Variants in FRMD1 observed in about 807,000 individuals in gnomAD.
FRMD1 encodes the protein FERM domain containing 1.
A neutral mutation model predicts 54.9 loss-of-function variants in FRMD1; 51 were observed. The ratio of observed to expected loss-of-function variants is 0.93; its 90% CI spans 0.74 to 1.17. The LOEUF (loss-of-function observed/expected upper bound fraction) is 1.17. Ranked by LOEUF, FRMD1 falls within the 50% of genes most tolerant of loss-of-function variation. The pLI is 0.00. For missense variants in FRMD1, 729 were observed against 743.0 expected (o/e 0.98, Z 0.22); for synonymous variants, 324 against 306.4 (o/e 1.06, Z -0.60).
intron 1 of FRMD1, among the ~76,000 whole-genome samples, chr6:168,092,103 G>A (rs1273142881): frequency 6.6e-6 from 1 of 152,250 alleles, no homozygotes; most frequent in African/African-American, 2.4e-5. Context: ...TCTGTGGACA[G>A]AGCGCTGCCA....
At chr6:168,077,560 CCCCG>C (rs1263498396) in intron 1 of FRMD1, among the ~76,000 whole-genome samples, 1 of 152,240 alleles carries the variant, frequency 6.6e-6, no homozygotes, top group Non-Finnish European at 1.5e-5. Flanking sequence ...TGTGCGCACA[CCCCG>C]ATAGGAAGTG....
At chr6:168,069,153 C>G (rs1272998078) in intron 2 of FRMD1, among the ~76,000 whole-genome samples, 1 of 152,224 alleles carries the variant, frequency 6.6e-6, no homozygotes, top group African/African-American at 2.4e-5. Context: ...CCCCATCTCA[C>G]AGACAGGGAG....
upstream of FRMD1, among the ~76,000 whole-genome samples, chr6:168,083,331 G>A (rs753813099): frequency 1.2e-4 from 18 of 152,340 alleles, no homozygotes; most frequent in Non-Finnish European, 1.2e-4. Flanking sequence ...TGGAAAGGCC[G>A]TGACCTGCCT....
intron 4 of FRMD1, chr6:168,066,461 G>T: frequency 4.7e-6 from 4 of 843,752 alleles, no homozygotes; most frequent in Middle Eastern, 5.0e-4. Context: ...TTGTGCCATT[G>T]CACTCCAGCC....
At chr6:168,075,940 G>C (rs1339663582) in intron 1 of FRMD1, 1 of 276,642 alleles carries the variant, frequency 3.6e-6, no homozygotes, top group Non-Finnish European at 5.2e-6. Context: ...TCCGGTGCCC[G>C]GTGTCCACAT....
upstream of FRMD1, among the ~76,000 whole-genome samples, chr6:168,086,447 G>T (rs1234354441): frequency 6.7e-6 from 1 of 150,118 alleles, no homozygotes; most frequent in Non-Finnish European, 1.5e-5. Flanking sequence ...TCCCAACATG[G>T]ACACTGCCCA....
At chr6:168,074,990 T>G (rs1390937231) in intron 2 of FRMD1, among the ~76,000 whole-genome samples, 1 of 150,288 alleles carries the variant, frequency 6.7e-6, no homozygotes, top group Admixed American at 6.6e-5. Flanking sequence ...GGTGTGTAAC[T>G]GTGTGCACTG....
Position 168,092,637 on chromosome 6 carries a change from G to A in FRMD1, c.-12+8788C>T, listed in dbSNP as rs150929499. ...AAGAAGGTGCCGTCTGCAAGGAAGC[G>A]GCCCTCACCACACACCAAATTGCCC... is the stretch of plus-strand genomic sequence containing the variant. On this transcript the variant is annotated intron_variant, in intron 1 of 12. Coordinates refer to the FRMD1 transcript ENST00000644440. Among the ~76,000 whole-genome samples, 204 of 152,320 alleles carry A rather than the reference G, an allele frequency of 1.3e-3. 2 individuals are homozygous for A. Among genetic ancestry groups the A allele is most frequent in the Middle Eastern group, 0.01 (3 of 294 alleles).
intron 5 of FRMD1, among the ~76,000 whole-genome samples, 197 bp downstream of exon 5, chr6:168,064,674 A>G (rs1799935019): frequency 6.6e-6 from 1 of 152,198 alleles, no homozygotes; most frequent in Non-Finnish European, 1.5e-5. Flanking sequence ...CTCCTCCCAC[A>G]CTGCCTGCCT....
rs930462445 is a variant in FRMD1, at chr6:168,091,529, C to A, written c.-12+9896G>T. 2.0e-4 allele frequency among the ~76,000 whole-genome samples: 31 copies of A among 152,358 alleles called. 1 individual carries two copies. Among genetic ancestry groups the A allele is most frequent in the Middle Eastern group, 3.4e-3 (1 of 294 alleles). The stretch of plus-strand genomic sequence containing the variant: ...CAGGATGGCTCAGGTTGGATCTCCA[C>A]TGGGCGTCCTCGCCCTACAGAGCAG... On this transcript the variant is annotated intron_variant, in intron 1 of 12. Transcript: ENST00000644440.
rs1380446179 is a variant in FRMD1 at position 168,075,179 on chromosome 6, C to T, written c.304+66G>A. 10 of 1,363,580 alleles carry T rather than the reference C, an allele frequency of 7.3e-6. No homozygotes were observed. The East Asian group carries it at 2.1e-4, about 28-fold the overall frequency. 84.5% of individuals were successfully genotyped at this position (1,363,580 alleles called of 1,614,324 possible). ...ATTATGGATGTGTGTGGTGTGCCCA[C>T]CCCCTTGACCTCCAGCAGATGCGGC... On this transcript the variant is annotated intron_variant, in intron 2 of 10. Coordinates refer to ENST00000283309, the MANE Select transcript of FRMD1 (RefSeq NM_024919.6).
chr6:168,078,536 C>T (rs1181457774), intron 1 of FRMD1, among the ~76,000 whole-genome samples: 5 of 147,642 alleles, frequency 3.4e-5, no homozygotes, highest in South Asian at 4.4e-4. Flanking sequence ...CTGCTCACCC[C>T]CACGGCCCTG....
rs568201228 is a variant in FRMD1, at chr6:168,064,953, G to A, written c.566C>T (p.Ala189Val). The change falls in exon 5 of 11, where the codon GCG (alanine) becomes GTG (valine). Residue 189 changes from alanine to valine, a missense_variant. Coordinates refer to ENST00000283309, the MANE Select transcript of FRMD1 (RefSeq NM_024919.6). ...GTGCTCGCCCAGGTCAGCCTGCAGC[G>A]CGCAGGCAGCCAGCAGGAAGTAGGC... ...EEAYFLLAACALQADLGEHRE... is the reference protein window; with the variant it reads ...EEAYFLLAACVLQADLGEHRE... The A allele has an allele frequency of 1.1e-4, 172 of 1,611,590 alleles. No homozygotes were observed. Among genetic ancestry groups the A allele is most frequent in the Admixed American group, 3.8e-4 (23 of 59,930 alleles).
At chr6:168,073,389 G>C (rs975056164) in intron 2 of FRMD1, among the ~76,000 whole-genome samples, 3 of 152,164 alleles carry the variant, frequency 2.0e-5, no homozygotes, top group African/African-American at 7.2e-5. Flanking sequence ...GGTCCCCTGG[G>C]GGACTCAGGA....
At chr6:168,057,859 G>A in intron 10 of FRMD1, 1 of 181,756 alleles carries the variant, frequency 5.5e-6, no homozygotes, top group Non-Finnish European at 1.2e-5. Flanking sequence ...TTGGACCACT[G>A]TGCTCCCAGG....
upstream of FRMD1, among the ~76,000 whole-genome samples, chr6:168,086,044 C>T (rs764850190): frequency 6.6e-6 from 1 of 152,254 alleles, no homozygotes; most frequent in Non-Finnish European, 1.5e-5. Flanking sequence ...CCCCGTACCT[C>T]CCTGTCATGA....
chr6:168,082,155 C>T (rs141781281), upstream of FRMD1, among the ~76,000 whole-genome samples: 337 of 152,278 alleles, frequency 2.2e-3, no homozygotes, highest in African/African-American at 6.2e-3. Context: ...GGCTGCCCAC[C>T]TCTCCTCCAC....
At chr6:168,058,085 A>C (rs892793429) in intron 10 of FRMD1, among the ~76,000 whole-genome samples, 42 of 152,186 alleles carry the variant, frequency 2.8e-4, no homozygotes, top group Non-Finnish European at 5.3e-4. Context: ...GATTGCCCCC[A>C]CTGGGATGGG....
rs1386681206 is a variant in FRMD1, at chr6:168,054,800, T to A, written c.*2297A>T. 6.6e-6 allele frequency: 1 copy of A among 152,240 alleles called. No homozygotes were observed. The highest frequency in any genetic ancestry group is 2.4e-5 in the African/African-American group (1 of 41,416). 9.4% of individuals were successfully genotyped at this position (152,240 alleles called of 1,614,324 possible). A position where few individuals can be genotyped will look rare whatever the true frequency, so the allele number is the denominator to read the frequency against. On this transcript the variant is annotated 3_prime_UTR_variant, in exon 11 of 11. Coordinates refer to ENST00000283309, the MANE Select transcript of FRMD1 (RefSeq NM_024919.6). Reference sequence around the variant, plus strand: ...AGCTCCGCTCCTGCCCCTCCAGGTGTGGGTGACGTGGAAGGGGGCTGTGGG... The same window carrying A: ...AGCTCCGCTCCTGCCCCTCCAGGTGAGGGTGACGTGGAAGGGGGCTGTGGG...
Sources: allele counts gnomAD v4.1 joint callset (sites outside exome capture counted in the v4.1 genomes callset), GRCh38; gene constraint gnomAD v4.1.1; transcripts MANE v1.5; gene names NCBI Gene and HGNC (gene_info 2026-07-23, HGNC 2026-07-21).